Variants in VAT1L observed in about 807,000 individuals in gnomAD.
VAT1L encodes the protein vesicle amine transport 1 like.
Under a neutral mutation model 44.1 loss-of-function variants are expected in VAT1L, and 34 were observed. That is an observed-to-expected ratio of 0.77 (90% CI 0.59 to 1.03). The LOEUF (loss-of-function observed/expected upper bound fraction) is 1.03, where lower values mean the gene tolerates loss of function less well. Among genes scored for constraint, VAT1L ranks in the 50% least tolerant of loss-of-function variants. VAT1L has a pLI of 0.00. For synonymous variants in VAT1L, 253 were observed against 202.2 expected (o/e 1.25, Z -2.13); for missense variants, 615 against 538.8 (o/e 1.14, Z -1.40).
chr16:77,923,585 C>A (rs1179075464), intron 7 of VAT1L, among the ~76,000 whole-genome samples: 1 of 152,160 alleles, frequency 6.6e-6, no homozygotes, highest in Non-Finnish European at 1.5e-5. Flanking sequence ...TGTTGGACTT[C>A]TGTAGAATTT....
chr16:77,793,856 A>G (rs945941715), intron 1 of VAT1L, among the ~76,000 whole-genome samples: 1 of 152,174 alleles, frequency 6.6e-6, no homozygotes, highest in Non-Finnish European at 1.5e-5. Context: ...TAAATTGGAG[A>G]TAGGGAAGGA....
chr16:77,823,052 C>T (rs2016478125), intron 2 of VAT1L, among the ~76,000 whole-genome samples: 1 of 151,992 alleles, frequency 6.6e-6, no homozygotes, highest in South Asian at 2.1e-4. Flanking sequence ...CTATATCATC[C>T]TGTAGCCAAA....
intron 4 of VAT1L, among the ~76,000 whole-genome samples, chr16:77,864,459 A>G (rs538062279): frequency 2.5e-4 from 38 of 152,276 alleles, no homozygotes; most frequent in Middle Eastern, 3.4e-3. Flanking sequence ...TACAAAACGT[A>G]GATGAGCATG....
chr16:77,839,702 A>C (rs375953138), intron 3 of VAT1L, among the ~76,000 whole-genome samples: 1 of 152,050 alleles, frequency 6.6e-6, no homozygotes, highest in Non-Finnish European at 1.5e-5. Context: ...TCAGCAATCT[A>C]TCTTGTCATG....
At chr16:77,975,259 G>C (rs2018325419) in intron 8 of VAT1L, among the ~76,000 whole-genome samples, 1 of 133,566 alleles carries the variant, frequency 7.5e-6, no homozygotes, top group South Asian at 2.4e-4. Context: ...ACCCAGGCTG[G>C]AGTGCAGTGG....
At chr16:77,951,779 G>A (rs1388096255) in intron 7 of VAT1L, among the ~76,000 whole-genome samples, 1 of 151,408 alleles carries the variant, frequency 6.6e-6, no homozygotes, top group Admixed American at 6.6e-5. Flanking sequence ...GTTCTACTTT[G>A]ATGTATTGGT....
chr16:77,816,556 A>C lies in VAT1L; in HGVS notation c.234-365A>C, dbSNP rs572822284. 3.9e-5 allele frequency among the ~76,000 whole-genome samples: 6 copies of C among 152,250 alleles called. No homozygotes were observed. In the East Asian group the frequency reaches 9.7e-4, roughly 25 times the overall value. ...CTTCCTGGTAAATCTTTTACCTTTGATTAAGTACTAAGAACTCTGATAGCC... is the reference window on the plus strand; with the variant it reads ...CTTCCTGGTAAATCTTTTACCTTTGCTTAAGTACTAAGAACTCTGATAGCC... On this transcript the variant is annotated intron_variant, in intron 1 of 8. Coordinates refer to ENST00000302536, the MANE Select transcript of VAT1L (RefSeq NM_020927.3).
At chr16:77,920,388 A>G (rs2017598880) in intron 7 of VAT1L, among the ~76,000 whole-genome samples, 2 of 152,172 alleles carry the variant, frequency 1.3e-5, no homozygotes, top group African/African-American at 2.4e-5. Context: ...AAGGAAGCAG[A>G]TGAGACCTCC....
Position 77,889,013 on chromosome 16 carries a change from G to A in VAT1L, c.1077+4211G>A, listed in dbSNP as rs140509046. ...GTTTGGAGCTGCAGTCGGACCAAAC[G>A]TGGCTGTTTATCAAGCCCACGCAGC... On this transcript the variant is annotated intron_variant, in intron 7 of 8. Transcript: ENST00000302536. Among the ~76,000 whole-genome samples the A allele has an allele frequency of 3.9e-3, 594 of 152,326 alleles. 4 individuals carry two copies. The highest frequency in any genetic ancestry group is 0.013 in the African/African-American group (545 of 41,578).
chr16:77,974,225 G>A (rs1018669887), intron 8 of VAT1L, among the ~76,000 whole-genome samples: 1 of 152,174 alleles, frequency 6.6e-6, no homozygotes, highest in African/African-American at 2.4e-5. Context: ...AGGGAGGGGA[G>A]GGAGTGACTT....
chr16:77,905,115 T>G (rs1296767621), intron 7 of VAT1L, among the ~76,000 whole-genome samples: 1 of 152,232 alleles, frequency 6.6e-6, no homozygotes, highest in Non-Finnish European at 1.5e-5. Flanking sequence ...AAGACCCTTA[T>G]AAAACATCCC....
chr16:77,851,550 G>C (rs545318659), intron 3 of VAT1L, among the ~76,000 whole-genome samples: 1 of 152,074 alleles, frequency 6.6e-6, no homozygotes, highest in Non-Finnish European at 1.5e-5. Flanking sequence ...CTATATGAGA[G>C]GCTGAGGTGG....
rs545070207 is a variant in VAT1L, at chr16:77,884,883, C to A, written c.1077+81C>A. 167 of 1,380,896 alleles carry A rather than the reference C, an allele frequency of 1.2e-4. 4 individuals carry two copies. In the South Asian group the frequency reaches 2.5e-3, roughly 21 times the overall value. 85.5% of individuals were successfully genotyped at this position (1,380,896 alleles called of 1,614,324 possible). A position where few individuals can be genotyped will look rare whatever the true frequency, so the allele number is the denominator to read the frequency against. ...TTGGGCAGCCAAATACAATCTTCTA[C>A]TAAATGATTTTTTTCCCAGATGGGT... On this transcript the variant is annotated intron_variant, in intron 7 of 8. Transcript: ENST00000302536. The surrounding 1 kb of genome is among the most constrained non-coding windows in gnomAD (Gnocchi z 4.5).
At chr16:77,896,973 AG>A (rs1449153365) in intron 7 of VAT1L, among the ~76,000 whole-genome samples, 3 of 152,232 alleles carry the variant, frequency 2.0e-5, no homozygotes, top group Admixed American at 6.5e-5. Context: ...AAGACTGGAA[AG>A]TTTCTATTTG....
At chr16:77,839,546 A>C (rs1162890407) in intron 3 of VAT1L, among the ~76,000 whole-genome samples, 16 of 106,952 alleles carry the variant, frequency 1.5e-4, no homozygotes, top group South Asian at 5.3e-4. Flanking sequence ...AAAAAAAAAA[A>C]AAAAAAAAAA....
At chr16:77,908,131 C>G (rs538433870) in intron 7 of VAT1L, among the ~76,000 whole-genome samples, 2 of 151,108 alleles carry the variant, frequency 1.3e-5, no homozygotes, top group African/African-American at 4.9e-5. Flanking sequence ...CCCAGCTACT[C>G]GGGAGGGTGA....
chr16:77,882,602 C>T (rs939423743), intron 6 of VAT1L, among the ~76,000 whole-genome samples: 1 of 152,212 alleles, frequency 6.6e-6, no homozygotes, highest in South Asian at 2.1e-4. Flanking sequence ...TGCCTAAAGT[C>T]ACACAGCTAG....
chr16:77,895,947 A>C (rs373424846), intron 7 of VAT1L, among the ~76,000 whole-genome samples: 1 of 152,204 alleles, frequency 6.6e-6, no homozygotes, highest in African/African-American at 2.4e-5. Context: ...GCTGAGACCC[A>C]GGCCTGTGCC....
intron 7 of VAT1L, among the ~76,000 whole-genome samples, chr16:77,900,842 C>A (rs574107840): frequency 1.3e-5 from 2 of 152,138 alleles, no homozygotes; most frequent in Non-Finnish European, 2.9e-5. Flanking sequence ...CCACTCCCCC[C>A]GCAACCAGTT....
Sources: allele counts gnomAD v4.1 joint callset (sites outside exome capture counted in the v4.1 genomes callset), GRCh38; gene constraint gnomAD v4.1.1; non-coding constraint Gnocchi (gnomAD v3.1); transcripts MANE v1.5; gene names NCBI Gene and HGNC (gene_info 2026-07-23, HGNC 2026-07-21).